The following UBE2E2 variants were observed in gnomAD, a reference collection of about 807,000 sequenced individuals.
UBE2E2 encodes the protein ubiquitin-conjugating enzyme E2 E2.
UBE2E2 carries 6 observed loss-of-function variants against 24.7 expected under a neutral mutation model. The observed-to-expected ratio is 0.24, with a 90% confidence interval of 0.13 to 0.48. The LOEUF (loss-of-function observed/expected upper bound fraction) is 0.48. Ranked by LOEUF, UBE2E2 falls within the 20% of genes least tolerant of loss-of-function variation. The pLI is 0.99. For missense variants in UBE2E2, 169 were observed against 245.0 expected (o/e 0.69, Z 2.07); for synonymous variants, 104 against 83.6 (o/e 1.24, Z -1.33).
chr3:23,403,600 C>T (rs547603920), intron 3 of UBE2E2, among the ~76,000 whole-genome samples: 1 of 152,142 alleles, frequency 6.6e-6, no homozygotes, highest in Non-Finnish European at 1.5e-5. Context: ...GCGAGTGGAT[C>T]ACCCAAGGTC....
intron 2 of UBE2E2, among the ~76,000 whole-genome samples, chr3:23,209,229 G>C (rs1398544654): frequency 2.6e-5 from 4 of 152,128 alleles, no homozygotes; most frequent in African/African-American, 9.7e-5. Flanking sequence ...ATAGAGATTA[G>C]GAATCTTTGA....
chr3:23,390,955 A>G (rs1696920256), intron 3 of UBE2E2, among the ~76,000 whole-genome samples: 1 of 152,236 alleles, frequency 6.6e-6, no homozygotes, highest in South Asian at 2.1e-4. Flanking sequence ...ATGTAGATAT[A>G]CAAGTTTATA....
intron 3 of UBE2E2, among the ~76,000 whole-genome samples, chr3:23,285,016 C>A (rs186597828): frequency 3.5e-4 from 53 of 151,652 alleles, no homozygotes; most frequent in Middle Eastern, 3.4e-3. Context: ...ACTCCCCCCA[C>A]CCCATGCCTC....
At chr3:23,275,872 G>C (rs767029290) in intron 3 of UBE2E2, among the ~76,000 whole-genome samples, 59 of 151,968 alleles carry the variant, frequency 3.9e-4, no homozygotes, top group Non-Finnish European at 6.2e-4. Flanking sequence ...TTGCCCAGCA[G>C]ATCCCGATTC....
chr3:23,432,755 T>C (rs964641832), intron 3 of UBE2E2, among the ~76,000 whole-genome samples: 3 of 151,966 alleles, frequency 2.0e-5, no homozygotes, highest in Non-Finnish European at 4.4e-5. Context: ...TGTATTTACA[T>C]TATAGATTCA....
intron 3 of UBE2E2, among the ~76,000 whole-genome samples, chr3:23,264,305 C>A (rs2125356528): frequency 6.7e-6 from 1 of 150,022 alleles, no homozygotes; most frequent in Admixed American, 6.7e-5. Context: ...TATAGCTGGA[C>A]CGTGAGTTTG....
At chr3:23,554,818 G>A (rs1199662944) in intron 5 of UBE2E2, among the ~76,000 whole-genome samples, 2 of 151,926 alleles carry the variant, frequency 1.3e-5, no homozygotes, top group African/African-American at 2.4e-5. Context: ...TTTACAAGCT[G>A]TATATCTGAT....
chr3:23,543,295 G>A (rs1026948376), intron 5 of UBE2E2, among the ~76,000 whole-genome samples: 12 of 152,094 alleles, frequency 7.9e-5, no homozygotes, highest in African/African-American at 1.9e-4. Context: ...TGATGTGATC[G>A]TATACCTAGA....
intron 5 of UBE2E2, among the ~76,000 whole-genome samples, chr3:23,584,870 T>C (rs1001588128): frequency 1.3e-5 from 2 of 151,814 alleles, no homozygotes; most frequent in Admixed American, 1.3e-4. Context: ...CTGTGCCCAG[T>C]TGGTATGACA....
intron 3 of UBE2E2, among the ~76,000 whole-genome samples, chr3:23,218,552 T>A (rs1453744111): frequency 6.6e-6 from 1 of 151,996 alleles, no homozygotes; most frequent in East Asian, 1.9e-4. Flanking sequence ...ATGGTCTGAA[T>A]CTTTAAAAAA....
chr3:23,386,198 A>G (rs1696800798), intron 3 of UBE2E2, among the ~76,000 whole-genome samples: 1 of 152,116 alleles, frequency 6.6e-6, no homozygotes, highest in Admixed American at 6.5e-5. Flanking sequence ...TTTCTTTCTC[A>G]TTTTTCTGGA....
chr3:23,496,109 A>G (rs970432953), intron 3 of UBE2E2, among the ~76,000 whole-genome samples: 1 of 152,348 alleles, frequency 6.6e-6, no homozygotes. Context: ...GTATCCATAA[A>G]TAATATAAAA....
At chr3:23,248,755 A>G (rs1342298679) in intron 3 of UBE2E2, among the ~76,000 whole-genome samples, 3 of 152,198 alleles carry the variant, frequency 2.0e-5, no homozygotes, top group Admixed American at 6.5e-5. Context: ...ATTGCATTTC[A>G]TAGTGTGAAT....
In UBE2E2 at chr3:23,407,378, A is replaced by G. The variant is rs1697385698; in HGVS notation, c.228-92230A>G. Reference sequence around the variant, plus strand: ...GACCTTAGCTAAGATCCCAGTGTCCACAAATGTAAATGATATATTGACATC... The same window carrying G: ...GACCTTAGCTAAGATCCCAGTGTCCGCAAATGTAAATGATATATTGACATC... On this transcript the variant is annotated intron_variant, in intron 3 of 5. Transcript: ENST00000396703. This position sits in a 1 kb window ranked among gnomAD's most constrained non-coding sequence, Gnocchi z 4.0. Among the ~76,000 whole-genome samples the G allele has an allele frequency of 6.6e-6, 1 of 152,190 alleles. No individual in the cohort carries two copies. The highest frequency in any genetic ancestry group is 1.5e-5 in the Non-Finnish European group (1 of 68,022).
intron 3 of UBE2E2, among the ~76,000 whole-genome samples, chr3:23,270,308 G>C (rs903703384): frequency 1.3e-5 from 2 of 152,036 alleles, no homozygotes; most frequent in African/African-American, 4.8e-5. Flanking sequence ...TGGTAGAATT[G>C]CCTTTGGGTG....
intron 3 of UBE2E2, among the ~76,000 whole-genome samples, chr3:23,480,630 G>GAAAAA (rs34377610): frequency 9.1e-6 from 1 of 109,768 alleles, no homozygotes; most frequent in Admixed American, 9.9e-5. Flanking sequence ...CTTGTCTCAG[G>GAAAAA]AAAAAAAAAA....
intron 3 of UBE2E2, among the ~76,000 whole-genome samples, chr3:23,367,624 G>A (rs1432514170): frequency 6.6e-6 from 1 of 152,134 alleles, no homozygotes; most frequent in African/African-American, 2.4e-5. Flanking sequence ...GTATCTATGT[G>A]GAAGTAAGCT....
chr3:23,540,208 G>A (rs914055814), intron 5 of UBE2E2, among the ~76,000 whole-genome samples: 3 of 151,984 alleles, frequency 2.0e-5, no homozygotes, highest in Non-Finnish European at 2.9e-5. Flanking sequence ...AATATTCTCA[G>A]ATAATATTGT....
chr3:23,398,558 A>G (rs1697136509), intron 3 of UBE2E2, among the ~76,000 whole-genome samples: 1 of 152,170 alleles, frequency 6.6e-6, no homozygotes, highest in Non-Finnish European at 1.5e-5. Context: ...CTTGTGGAGA[A>G]CTGAGTATAC....
Sources: gnomAD v4.1 joint callset for allele counts (sites outside exome capture counted in the v4.1 genomes callset) on GRCh38, gnomAD v4.1.1 for gene constraint, Gnocchi (gnomAD v3.1) non-coding constraint, MANE v1.5 for transcripts, NCBI Gene and HGNC (gene_info 2026-07-23, HGNC 2026-07-21) for gene names.